EXT1: variants seen among roughly 807,000 people sequenced by gnomAD.
EXT1 encodes exostosin glycosyltransferase 1.
Under a neutral mutation model 82.5 loss-of-function variants are expected in EXT1, and 20 were observed. The observed-to-expected ratio is 0.24, with a 90% CI of 0.17 to 0.35. The LOEUF is 0.35. EXT1 is among the 10% of genes least tolerant of loss of function. EXT1 has a pLI of 1.00. For missense variants in EXT1, 757 were observed against 936.5 expected, an observed-to-expected ratio of 0.81 and a Z score of 2.50; for synonymous variants, 348 against 350.8, an observed-to-expected ratio of 0.99 and a Z score of 0.09.
At chr8:117,809,560 C>G (rs1823289817) in intron 8 of EXT1, among the ~76,000 whole-genome samples, 1 of 151,546 alleles carries the variant, frequency 6.6e-6, no homozygotes. Flanking sequence ...TTGCTTGAAC[C>G]CAGGAGGCGG....
intron 1 of EXT1, among the ~76,000 whole-genome samples, chr8:118,061,627 G>C (rs889892983): frequency 1.3e-5 from 2 of 152,196 alleles, no homozygotes; most frequent in Admixed American, 6.5e-5. Context: ...GGTAAAACTG[G>C]TGAGGTCCTG....
At chr8:117,967,933 A>G (rs10955843) in intron 1 of EXT1, among the ~76,000 whole-genome samples, 57,949 of 152,096 alleles carry the variant, frequency 0.38, 14,235 homozygotes, top group African/African-American at 0.7. Flanking sequence ...ATTGTATTCC[A>G]TATTTCTGCT....
At chr8:118,049,341 C>T (rs998416256) in intron 1 of EXT1, among the ~76,000 whole-genome samples, 6 of 152,146 alleles carry the variant, frequency 3.9e-5, no homozygotes, top group Admixed American at 2.0e-4. Context: ...CTAAATGTAA[C>T]CTATAAGTGG....
At chr8:118,013,555 G>C (rs1262308918) in intron 1 of EXT1, among the ~76,000 whole-genome samples, 1 of 152,132 alleles carries the variant, frequency 6.6e-6, no homozygotes, top group Non-Finnish European at 1.5e-5. Flanking sequence ...TCCCCAAGAG[G>C]ACAGCAGAGA....
Position 118,110,758 on chromosome 8 carries a change from T to C in EXT1, c.289A>G (p.Lys97Glu). The C allele has an allele frequency of 6.2e-7, 1 of 1,614,216 alleles. No homozygotes were observed. The highest frequency in any genetic ancestry group is 1.7e-4 in the Middle Eastern group (1 of 6,060). Residue 97 changes from lysine (K) to glutamate (E), a missense_variant, in exon 1 of 11, where the codon AAG becomes GAG. By Grantham distance (56) the Lys-to-Glu change is moderately conservative (BLOSUM62 1). This residue lies in a region of EXT1 where 175 missense variants were observed against 159.0 expected (regional missense o/e 1.10). Transcript: ENST00000378204. ...TCGAAGCAGGACTCCATGCGGCACT[T>C]CTTGCCTTTGTAGATGCTGGAGTTG... is the stretch of plus-strand genomic sequence containing the variant. ...DANSSIYKGK[K>E]CRMESCFDFT...
At chr8:117,926,091 A>G (rs1257712438) in intron 1 of EXT1, among the ~76,000 whole-genome samples, 1 of 152,228 alleles carries the variant, frequency 6.6e-6, no homozygotes, top group Non-Finnish European at 1.5e-5. Context: ...AAGATCTGCT[A>G]GCCGCTAGCA....
chr8:118,049,878 G>A (rs985890424), intron 1 of EXT1, among the ~76,000 whole-genome samples: 7 of 152,198 alleles, frequency 4.6e-5, no homozygotes, highest in East Asian at 1.9e-4. Context: ...TGACTGTCTC[G>A]GAGGCACAGG....
Position 117,818,373 on chromosome 8 carries a change from T to C in EXT1, c.1632+62A>G. 6 of 1,342,992 alleles carry C rather than the reference T, an allele frequency of 4.5e-6. No individual in the cohort carries two copies. The South Asian group carries it at 7.0e-5, about 16-fold the overall frequency. 83.2% of individuals were successfully genotyped at this position (1,342,992 alleles called of 1,614,324 possible). ...AGATATCTAGGGCCAAGACCCAAAG[T>C]GCCCCATGGAGAAACCAAGGCTCCA... On this transcript the variant is annotated intron_variant, in intron 7 of 10. Transcript: ENST00000378204.
chr8:117,901,244 T>C (rs1813442778), intron 1 of EXT1, among the ~76,000 whole-genome samples: 1 of 152,254 alleles, frequency 6.6e-6, no homozygotes, highest in African/African-American at 2.4e-5. Context: ...ACACCTAGAA[T>C]ATATGGTGTA....
chr8:118,031,122 G>T (rs1400007240), intron 1 of EXT1, among the ~76,000 whole-genome samples: 2 of 152,186 alleles, frequency 1.3e-5, no homozygotes, highest in African/African-American at 4.8e-5. Context: ...TACAGATGGG[G>T]TGTGGGGGGA....
In EXT1 at chr8:118,071,451, G is replaced by A. The variant is rs766348334; in HGVS notation, c.962+38634C>T. Among the ~76,000 whole-genome samples, 19 of 151,550 alleles carry A rather than the reference G, an allele frequency of 1.3e-4. No individual in the cohort carries two copies. In the South Asian group the frequency reaches 2.9e-3, roughly 23 times the overall value. ...TTTTTACTGTTAAAATCTCCATGAC[G>A]GAAAGAGACAGCTCTGTTTGTGTAT... is the stretch of plus-strand genomic sequence containing the variant. On this transcript the variant is annotated intron_variant, in intron 1 of 10. Transcript: ENST00000378204.
chr8:117,906,792 T>C lies in EXT1; in HGVS notation c.963-69591A>G, dbSNP rs754828191. 2.0e-5 allele frequency among the ~76,000 whole-genome samples: 3 copies of C among 152,194 alleles called. No homozygotes were observed. In the East Asian group the frequency reaches 5.8e-4, roughly 29 times the overall value. On this transcript the variant is annotated intron_variant, in intron 1 of 10. Transcript: ENST00000378204. ...AATGGTGTATGGTTTACACCTATTT[T>C]AAGGAGAATGATGGTGGCATGAGCA...
chr8:117,818,513 A>G lies in EXT1; in HGVS notation c.1554T>C (p.Asn518=), dbSNP rs1199361133. 6.2e-7 allele frequency: 1 copy of G among 1,614,044 alleles called. No individual in the cohort carries two copies. The highest frequency in any genetic ancestry group is 8.5e-7 in the Non-Finnish European group (1 of 1,179,938). The change falls in exon 7 of 11, where the codon AAT becomes AAC. Residue 518 remains asparagine, a synonymous_variant. Transcript: ENST00000378204. ...GTTTGGCTGGTAGGGGCTTGTCACA[A>G]TTCCATAGAACTATGATCTGAAAGG... is the stretch of plus-strand genomic sequence containing the variant. ...QYCAQIIVLW[N]CDKPLPAKHR...
At chr8:118,009,873 G>A (rs553447195) in intron 1 of EXT1, among the ~76,000 whole-genome samples, 1 of 152,262 alleles carries the variant, frequency 6.6e-6, no homozygotes, top group African/African-American at 2.4e-5. Context: ...TGCCAAAAAG[G>A]TTGGGAACCG....
chr8:117,859,876 G>A (rs939212972), intron 1 of EXT1, among the ~76,000 whole-genome samples: 3 of 152,210 alleles, frequency 2.0e-5, no homozygotes, highest in East Asian at 3.8e-4. Flanking sequence ...GCTGGGCACA[G>A]TGGCTCACGC....
chr8:117,927,997 A>G (rs998984582), intron 1 of EXT1, among the ~76,000 whole-genome samples: 1 of 152,228 alleles, frequency 6.6e-6, no homozygotes, highest in African/African-American at 2.4e-5. Flanking sequence ...AGAATAGTGA[A>G]TGTTATTTGT....
chr8:117,828,553 A>G (rs1035870727), intron 4 of EXT1, among the ~76,000 whole-genome samples: 3 of 152,196 alleles, frequency 2.0e-5, no homozygotes, highest in Non-Finnish European at 4.4e-5. Flanking sequence ...GGGAGAAACA[A>G]TAACATTCAA....
intron 1 of EXT1, among the ~76,000 whole-genome samples, chr8:118,024,981 C>A (rs1289376217): frequency 1.3e-5 from 2 of 152,136 alleles, no homozygotes; most frequent in Non-Finnish European, 1.5e-5. Context: ...ATGTGTGTTT[C>A]TATGTACGTG....
intron 1 of EXT1, among the ~76,000 whole-genome samples, chr8:117,870,716 C>T (rs1334668224): frequency 6.6e-6 from 1 of 151,864 alleles, no homozygotes; most frequent in East Asian, 1.9e-4. Flanking sequence ...TTTACCATTC[C>T]ACAAAGGATA....
Sources: allele counts gnomAD v4.1 joint callset (sites outside exome capture counted in the v4.1 genomes callset), GRCh38; gene constraint gnomAD v4.1.1; regional missense constraint gnomAD v4.1.1; transcripts MANE v1.5; gene names NCBI Gene and HGNC (gene_info 2026-07-23, HGNC 2026-07-21).